Variants in NAALADL2 observed in about 807,000 individuals in gnomAD.
NAALADL2 encodes N-acetylated alpha-linked acidic dipeptidase like 2.
Under a neutral mutation model 87.2 loss-of-function variants are expected in NAALADL2, and 76 were observed. The ratio of observed to expected loss-of-function variants is 0.87; its 90% CI spans 0.72 to 1.05. NAALADL2 has a LOEUF of 1.05. Ranked by LOEUF, NAALADL2 falls within the 50% of genes least tolerant of loss-of-function variation. NAALADL2 has a pLI of 0.00. For missense variants in NAALADL2, 1,089 were observed against 945.8 expected, an observed-to-expected ratio of 1.15 and a Z score of -1.99; for synonymous variants, 354 against 331.0, an observed-to-expected ratio of 1.07 and a Z score of -0.75.
At chr3:175,318,480 T>A (rs1490695367) in intron 4 of NAALADL2, among the ~76,000 whole-genome samples, 1 of 152,034 alleles carries the variant, frequency 6.6e-6, no homozygotes. Context: ...GAAGTTTTTA[T>A]TTTTTTCCTC....
chr3:175,066,273 C>T (rs919938108), intron 1 of NAALADL2, among the ~76,000 whole-genome samples: 2 of 152,122 alleles, frequency 1.3e-5, no homozygotes, highest in Admixed American at 1.3e-4. Flanking sequence ...AGTTAGGTTA[C>T]CTGTCACCTT....
At chr3:175,370,589 G>C (rs1352873560) in intron 5 of NAALADL2, among the ~76,000 whole-genome samples, 1 of 152,102 alleles carries the variant, frequency 6.6e-6, no homozygotes, top group Non-Finnish European at 1.5e-5. Context: ...GTCACTTGCT[G>C]CTTTAAGCTC....
At chr3:174,988,516 G>A (rs1185533550) in intron 1 of NAALADL2, among the ~76,000 whole-genome samples, 1 of 152,122 alleles carries the variant, frequency 6.6e-6, no homozygotes, top group African/African-American at 2.4e-5. Flanking sequence ...ACAACCACAT[G>A]CCACAAACTG....
intron 5 of NAALADL2, among the ~76,000 whole-genome samples, chr3:175,423,170 G>T (rs1362454738): frequency 9.7e-4 from 6 of 6,186 alleles, no homozygotes; most frequent in Non-Finnish European, 9.5e-4. Context: ...AGAAAGGGAG[G>T]GGGGGGTCTC....
chr3:175,249,588 G>A (rs1247301271), intron 3 of NAALADL2, among the ~76,000 whole-genome samples: 1 of 151,906 alleles, frequency 6.6e-6, no homozygotes, highest in Non-Finnish European at 1.5e-5. Context: ...AATGAATATA[G>A]AGTACTCTTC....
At chr3:174,835,269 G>A (rs999007128) in intron 3 of NAALADL2, among the ~76,000 whole-genome samples, 4 of 152,086 alleles carry the variant, frequency 2.6e-5, no homozygotes, top group South Asian at 4.2e-4. Flanking sequence ...AAAGACAGCC[G>A]TTTCAACAAT....
At chr3:175,401,628 A>C (rs1003978679) in intron 5 of NAALADL2, among the ~76,000 whole-genome samples, 1 of 152,128 alleles carries the variant, frequency 6.6e-6, no homozygotes, top group African/African-American at 2.4e-5. Flanking sequence ...ATGTTACTGT[A>C]CTGAACATTA....
At chr3:175,197,015 AG>A (rs1022001680) in intron 2 of NAALADL2, among the ~76,000 whole-genome samples, 41 of 151,982 alleles carry the variant, frequency 2.7e-4, no homozygotes, top group African/African-American at 9.4e-4. Flanking sequence ...GAGAAACATA[AG>A]GGGTCATTTT....
intron 11 of NAALADL2, among the ~76,000 whole-genome samples, chr3:175,697,436 A>T (rs1220267461): frequency 8.0e-6 from 1 of 125,586 alleles, no homozygotes; most frequent in African/African-American, 3.4e-5. Flanking sequence ...CACACACAAA[A>T]CCCTACTTAT....
rs554429239 is a variant in NAALADL2 at position 174,669,009 on chromosome 3, T to C, written c.-114-68632T>C. ...GGAATTGCCACACTGACTTCCACAA[T>C]GGTTGAACTAGTTTATAGTCCCACC... On this transcript the variant is annotated intron_variant, in intron 2 of 3. Coordinates refer to the NAALADL2 transcript ENST00000434257. Among the ~76,000 whole-genome samples the C allele has an allele frequency of 8.6e-3, 1,310 of 152,292 alleles. 12 individuals carry two copies. Among genetic ancestry groups the C allele is most frequent in the African/African-American group, 0.03 (1,234 of 41,574 alleles).
chr3:175,118,190 A>G (rs1725578355), intron 2 of NAALADL2, among the ~76,000 whole-genome samples: 2 of 151,920 alleles, frequency 1.3e-5, no homozygotes, highest in South Asian at 4.1e-4. Context: ...GCACACCAAC[A>G]TGGCACATGT....
intron 2 of NAALADL2, among the ~76,000 whole-genome samples, chr3:174,554,834 A>C (rs941394813): frequency 1.3e-5 from 2 of 152,108 alleles, no homozygotes; most frequent in Non-Finnish European, 2.9e-5. Flanking sequence ...TAGACTGGGC[A>C]ATTTATAAAC....
At chr3:175,274,473 A>T (rs75896623) in intron 4 of NAALADL2, among the ~76,000 whole-genome samples, 3 of 152,174 alleles carry the variant, frequency 2.0e-5, no homozygotes, top group Non-Finnish European at 4.4e-5. Flanking sequence ...CAGCAGCTAA[A>T]TAGTCAAATT....
intron 10 of NAALADL2, among the ~76,000 whole-genome samples, chr3:175,583,992 T>C (rs529793800): frequency 6.6e-6 from 1 of 152,188 alleles, no homozygotes; most frequent in East Asian, 1.9e-4. Context: ...ATTATTACAG[T>C]TATAAAGTTG....
chr3:174,969,654 G>A (rs766661701), intron 1 of NAALADL2, among the ~76,000 whole-genome samples: 5 of 152,082 alleles, frequency 3.3e-5, no homozygotes, highest in Admixed American at 6.6e-5. Context: ...TTCAGGATAC[G>A]GAGGCCATGA....
chr3:175,536,206 A>C (rs1734795190), intron 9 of NAALADL2, among the ~76,000 whole-genome samples: 2 of 152,226 alleles, frequency 1.3e-5, no homozygotes, highest in Non-Finnish European at 2.9e-5. Flanking sequence ...GTATTTGGCA[A>C]ATAGAAGGTT....
At chr3:175,703,520 A>G (rs1739264086) in intron 11 of NAALADL2, among the ~76,000 whole-genome samples, 2 of 152,284 alleles carry the variant, frequency 1.3e-5, no homozygotes, top group South Asian at 2.1e-4. Flanking sequence ...AGGCGGGCGG[A>G]TCACCTGAGG....
chr3:175,068,473 A>G (rs1262688101), intron 1 of NAALADL2, among the ~76,000 whole-genome samples: 1 of 152,158 alleles, frequency 6.6e-6, no homozygotes, highest in Non-Finnish European at 1.5e-5. Flanking sequence ...GAATGTTGTG[A>G]TAGACCACCT....
At chr3:174,558,660 T>C (rs1713171872) in intron 2 of NAALADL2, among the ~76,000 whole-genome samples, 2 of 152,060 alleles carry the variant, frequency 1.3e-5, no homozygotes, top group Admixed American at 6.6e-5. Flanking sequence ...ATGCCAGCGA[T>C]GGGGAGGGGC....
Sources: gnomAD v4.1 joint callset for allele counts (sites outside exome capture counted in the v4.1 genomes callset) on GRCh38, gnomAD v4.1.1 for gene constraint, MANE v1.5 for transcripts, NCBI Gene and HGNC (gene_info 2026-07-23, HGNC 2026-07-21) for gene names.